Variants in INPP4B observed in about 807,000 individuals in gnomAD.
INPP4B encodes inositol polyphosphate 4-phosphatase type II.
A neutral mutation model predicts 122.5 loss-of-function variants in INPP4B; 55 were observed. The observed-to-expected ratio is 0.45, with a 90% CI of 0.36 to 0.56. INPP4B has a LOEUF of 0.56. INPP4B is among the 20% of genes least tolerant of loss of function. The pLI, the probability that INPP4B is intolerant of heterozygous loss-of-function variation, is 0.00. For synonymous variants in INPP4B, 403 were observed against 388.7 expected (o/e 1.04, Z -0.43); for missense variants, 1,000 against 1,097.7 (o/e 0.91, Z 1.26).
intron 1 of INPP4B, among the ~76,000 whole-genome samples, chr4:142,783,756 T>G (rs564740772): frequency 6.6e-6 from 1 of 152,126 alleles, no homozygotes; most frequent in African/African-American, 2.4e-5. Context: ...AGCGTATTAC[T>G]TGCTTCTCCC....
intron 25 of INPP4B, among the ~76,000 whole-genome samples, chr4:142,079,906 T>C (rs1416613033): frequency 6.6e-6 from 1 of 152,140 alleles, no homozygotes; most frequent in Non-Finnish European, 1.5e-5. Flanking sequence ...ACAAGGATCA[T>C]AATTAGCTAG....
rs533556490 is a variant in INPP4B, at chr4:142,546,724, G to A, written c.-190-83998C>T. Reference sequence around the variant, plus strand: ...TTCAAAGTAGAGTCTTCATATTGTCGGTTAATTTAAAAAGTCCCACCATTC... The same window carrying A: ...TTCAAAGTAGAGTCTTCATATTGTCAGTTAATTTAAAAAGTCCCACCATTC... On this transcript the variant is annotated intron_variant, in intron 2 of 25. Coordinates refer to ENST00000262992, the MANE Select transcript of INPP4B (RefSeq NM_001101669.3). Among the ~76,000 whole-genome samples the A allele has an allele frequency of 1.8e-4, 27 of 152,142 alleles. No individual in the cohort carries two copies. The East Asian group carries it at 2.3e-3, about 13-fold the overall frequency.
At chr4:142,309,496 C>T (rs1436377551) in intron 8 of INPP4B, among the ~76,000 whole-genome samples, 1 of 151,712 alleles carries the variant, frequency 6.6e-6, no homozygotes, top group Non-Finnish European at 1.5e-5. Flanking sequence ...AGGATTAAGG[C>T]CCTGATAGTC....
chr4:142,596,560 A>G (rs551403799), intron 2 of INPP4B, among the ~76,000 whole-genome samples: 33 of 152,360 alleles, frequency 2.2e-4, no homozygotes, highest in African/African-American at 7.7e-4. Context: ...ATTTTGTTTT[A>G]AGCCAGTATG....
intron 2 of INPP4B, among the ~76,000 whole-genome samples, chr4:142,674,208 T>C (rs1457848482): frequency 1.3e-5 from 2 of 152,138 alleles, no homozygotes; most frequent in Non-Finnish European, 2.9e-5. Flanking sequence ...CACCTGCTTT[T>C]CCCATTTTCA....
At chr4:142,622,268 T>G (rs1745117077) in intron 2 of INPP4B, among the ~76,000 whole-genome samples, 1 of 151,818 alleles carries the variant, frequency 6.6e-6, no homozygotes, top group South Asian at 2.1e-4. Flanking sequence ...CATTTTCCCT[T>G]TGATAAAGTC....
intron 15 of INPP4B, among the ~76,000 whole-genome samples, chr4:142,178,892 A>C (rs952835479): frequency 6.6e-6 from 1 of 151,532 alleles, no homozygotes; most frequent in Non-Finnish European, 1.5e-5. Flanking sequence ...ATATGCTCTC[A>C]GTTCTGACTG....
intron 10 of INPP4B, among the ~76,000 whole-genome samples, chr4:142,262,320 A>G (rs1490930904): frequency 2.0e-5 from 3 of 152,110 alleles, no homozygotes; most frequent in East Asian, 3.9e-4. Flanking sequence ...CCTTAGCTCC[A>G]GTCACACTGG....
At chr4:142,337,599 C>T (rs2646089) in intron 7 of INPP4B, among the ~76,000 whole-genome samples, 43,472 of 147,342 alleles carry the variant, frequency 0.3, 8,005 homozygotes, top group South Asian at 0.44. Flanking sequence ...TGGCAAAGTG[C>T]TGGTTCAAAT....
At chr4:142,635,283 T>C (rs1037703400) in intron 2 of INPP4B, among the ~76,000 whole-genome samples, 3 of 152,148 alleles carry the variant, frequency 2.0e-5, no homozygotes, top group Admixed American at 1.3e-4. Context: ...GCTCAATTAT[T>C]GTGGAAGGCA....
At chr4:142,116,388 C>T (rs1454089175) in intron 21 of INPP4B, among the ~76,000 whole-genome samples, 1 of 152,140 alleles carries the variant, frequency 6.6e-6, no homozygotes. Flanking sequence ...CACACTTATT[C>T]CAAAATTGAC....
At chr4:142,398,973 T>A (rs1285048890) in intron 7 of INPP4B, among the ~76,000 whole-genome samples, 1 of 152,122 alleles carries the variant, frequency 6.6e-6, no homozygotes, top group Non-Finnish European at 1.5e-5. Flanking sequence ...TGTATACTTC[T>A]GCAAAATAGA....
At chr4:142,799,171 A>G (rs1292475242) in intron 1 of INPP4B, among the ~76,000 whole-genome samples, 4 of 151,940 alleles carry the variant, frequency 2.6e-5, no homozygotes, top group Admixed American at 2.6e-4. Context: ...TTTAAGACTA[A>G]CATTATTTAT....
chr4:142,596,810 T>C (rs1253674155), intron 2 of INPP4B, among the ~76,000 whole-genome samples: 1 of 152,196 alleles, frequency 6.6e-6, no homozygotes, highest in Non-Finnish European at 1.5e-5. Context: ...GGCCAGTTCT[T>C]TGTGGAAATC....
chr4:142,720,807 CT>C lies in INPP4B; in HGVS notation c.-191+5031del, dbSNP rs1764519458. Among the ~76,000 whole-genome samples the C allele has an allele frequency of 1.5e-3, 21 of 13,742 alleles. 1 individual carries two copies. The East Asian group carries it at 0.069, about 45-fold the overall frequency. 9.0% of individuals were successfully genotyped at this position (13,742 alleles called of 152,430 possible). On this transcript the variant is annotated intron_variant, in intron 2 of 25. Transcript: ENST00000262992. ...TCTCTCTCTCTCTCTCTCTCTCTCT[CT>C]CTATATATATATATATATATAGTTT...
intron 5 of INPP4B, among the ~76,000 whole-genome samples, chr4:142,421,970 A>G (rs1344156010): frequency 6.6e-6 from 1 of 152,126 alleles, no homozygotes; most frequent in Non-Finnish European, 1.5e-5. Flanking sequence ...CCTGATGGTT[A>G]AAAGCAGGAG....
intron 1 of INPP4B, among the ~76,000 whole-genome samples, chr4:142,765,696 C>G (rs911079564): frequency 6.6e-6 from 1 of 152,110 alleles, no homozygotes; most frequent in African/African-American, 2.4e-5. Context: ...ATCGGTTAAA[C>G]CAGTTGACAA....
chr4:142,337,300 T>G (rs921593079), intron 7 of INPP4B, among the ~76,000 whole-genome samples: 1 of 152,070 alleles, frequency 6.6e-6, no homozygotes, highest in Non-Finnish European at 1.5e-5. Context: ...CTGGAGACCA[T>G]GTGTAAATCA....
intron 2 of INPP4B, among the ~76,000 whole-genome samples, chr4:142,650,316 C>T (rs1752670523): frequency 6.6e-6 from 1 of 152,064 alleles, no homozygotes; most frequent in Non-Finnish European, 1.5e-5. Context: ...AATTAACAGG[C>T]AAAATAACCA....
Sources: gnomAD v4.1 joint callset for allele counts (sites outside exome capture counted in the v4.1 genomes callset) on GRCh38, gnomAD v4.1.1 for gene constraint, MANE v1.5 for transcripts, NCBI Gene and HGNC (gene_info 2026-07-23, HGNC 2026-07-21) for gene names.